DDX31: variants seen among roughly 807,000 people sequenced by gnomAD.
DDX31 encodes the protein DEAD-box helicase 31.
DDX31 carries 70 observed loss-of-function variants against 91.3 expected under a neutral mutation model. That is an observed-to-expected ratio of 0.77 (90% CI 0.63 to 0.94). DDX31 has a LOEUF of 0.94. DDX31 is among the 40% of genes least tolerant of loss of function. DDX31 has a pLI of 0.00. For missense variants in DDX31, 902 were observed against 925.0 expected (o/e 0.98, Z 0.32); for synonymous variants, 362 against 350.6 (o/e 1.03, Z -0.36).
chr9:132,664,435 G>A (rs1330532412), intron 1 of DDX31, among the ~76,000 whole-genome samples: 1 of 152,112 alleles, frequency 6.6e-6, no homozygotes, highest in African/African-American at 2.4e-5. Flanking sequence ...ATTGCCAGGT[G>A]CCATGGATCA....
At chr9:132,633,448 C>T (rs1227534842) in intron 14 of DDX31, among the ~76,000 whole-genome samples, 1 of 149,126 alleles carries the variant, frequency 6.7e-6, no homozygotes, top group African/African-American at 2.6e-5. Context: ...ATTTGTAGAT[C>T]TAGAAAAAAA....
chr9:132,644,075 T>C (rs1387292949), intron 13 of DDX31, among the ~76,000 whole-genome samples: 2 of 151,978 alleles, frequency 1.3e-5, no homozygotes, highest in African/African-American at 2.4e-5. Flanking sequence ...GGGTAATAAG[T>C]CAGGAAAATT....
At chr9:132,624,162 G>A (rs537775655) in intron 17 of DDX31, among the ~76,000 whole-genome samples, 5 of 80,472 alleles carry the variant, frequency 6.2e-5, no homozygotes, top group East Asian at 3.9e-4. Flanking sequence ...GCGAGACTCC[G>A]TCTCAAAAAA....
chr9:132,656,122 A>G (rs1476001491), intron 6 of DDX31, among the ~76,000 whole-genome samples: 1 of 152,220 alleles, frequency 6.6e-6, no homozygotes, highest in Non-Finnish European at 1.5e-5. Context: ...CAGAGCCAAA[A>G]TAACTGAAGA....
At chr9:132,628,034 T>C (rs867624767) in intron 16 of DDX31, among the ~76,000 whole-genome samples, 14 of 152,374 alleles carry the variant, frequency 9.2e-5, no homozygotes, top group Admixed American at 3.9e-4. Context: ...GTTGTCGTTG[T>C]TGCTGTTTTG....
intron 19 of DDX31, among the ~76,000 whole-genome samples, chr9:132,605,252 A>C (rs2119233493): frequency 6.6e-6 from 1 of 152,238 alleles, no homozygotes; most frequent in South Asian, 2.1e-4. Flanking sequence ...TTTACCGAGC[A>C]CCTACTGCGT....
chr9:132,640,742 A>C (rs181248811), intron 14 of DDX31, among the ~76,000 whole-genome samples: 106 of 152,312 alleles, frequency 7.0e-4, no homozygotes, highest in African/African-American at 2.5e-3. Context: ...TCCTGGGCTC[A>C]AGCGATCCTC....
At chr9:132,604,651 T>C (rs1443303012) in intron 19 of DDX31, among the ~76,000 whole-genome samples, 1 of 152,196 alleles carries the variant, frequency 6.6e-6, no homozygotes, top group African/African-American at 2.4e-5. Context: ...TAGATTTTAC[T>C]GAAACACGGT....
intron 16 of DDX31, 76 bp from the exon 17 acceptor site, chr9:132,625,821 C>A (rs185340839): frequency 1.8e-6 from 2 of 1,115,338 alleles, no homozygotes; most frequent in African/African-American, 3.1e-5. Context: ...ACAAAACTGG[C>A]CTATTCTTGA....
rs199822117 is a variant in DDX31 at position 132,669,814 on chromosome 9, G to A, written c.75+46C>T. 2,811 of 1,531,402 alleles carry A rather than the reference G, an allele frequency of 1.8e-3. 3 individuals carry two copies. The highest frequency in any genetic ancestry group is 2.3e-3 in the Non-Finnish European group (2,683 of 1,141,748). The allele number at this position is 1,531,402 out of a possible 1,614,324, so 94.9% of individuals were successfully genotyped here. On this transcript the variant is annotated intron_variant, in intron 1 of 19. Transcript: ENST00000372159. The stretch of plus-strand genomic sequence containing the variant: ...GGCTGCAGCTCGCGGCGCGCCCACA[G>A]CCGGGCCGCGGGTGGGGACGGAGCT...
chr9:132,624,193 A>G (rs67339664), intron 17 of DDX31, among the ~76,000 whole-genome samples: 6 of 143,200 alleles, frequency 4.2e-5, no homozygotes, highest in Admixed American at 7.0e-5. Context: ...AAAAAAAAAA[A>G]GAAGAAACCA....
chr9:132,626,138 GAAA>G (rs3028359), intron 16 of DDX31, among the ~76,000 whole-genome samples: 16 of 134,674 alleles, frequency 1.2e-4, no homozygotes, highest in Admixed American at 2.2e-4. Flanking sequence ...TACTGAAGAG[GAAA>G]AAAAAAAAAA....
At chr9:132,616,141 A>C (rs1163976492) in intron 18 of DDX31, among the ~76,000 whole-genome samples, 1 of 152,216 alleles carries the variant, frequency 6.6e-6, no homozygotes, top group African/African-American at 2.4e-5. Context: ...CAGTCCTAAG[A>C]AACAGGAGAG....
chr9:132,648,937 T>A (rs755369200), intron 9 of DDX31, among the ~76,000 whole-genome samples: 2 of 152,232 alleles, frequency 1.3e-5, no homozygotes, highest in African/African-American at 2.4e-5. Flanking sequence ...CATGCCAATG[T>A]GCTCCAATTG....
At position 132,650,313 on chromosome 9, in the gene DDX31, C is replaced by G; in HGVS notation, c.676-15G>C. Reference sequence around the variant, plus strand: ...CAGGTGAAAGGCTACAGAAAGACAGCAGACCACAGTCAGTGCAAAGCCCCC... The same window carrying G: ...CAGGTGAAAGGCTACAGAAAGACAGGAGACCACAGTCAGTGCAAAGCCCCC... On this transcript the variant is annotated splice_polypyrimidine_tract_variant and intron_variant, in intron 8 of 19. Transcript: ENST00000372159. The G allele has an allele frequency of 6.2e-7, 1 of 1,613,476 alleles. No homozygotes were observed. Among genetic ancestry groups the G allele is most frequent in the African/African-American group, 1.3e-5 (1 of 75,038 alleles).
At chr9:132,650,162 G>C in intron 9 of DDX31, 72 bp downstream of exon 9, 2 of 1,448,426 alleles carry the variant, frequency 1.4e-6, no homozygotes, top group Non-Finnish European at 1.9e-6. Flanking sequence ...GGTTTAGAAG[G>C]ACCCAGCCTT....
At chr9:132,640,635 T>G (rs1254097276) in intron 14 of DDX31, among the ~76,000 whole-genome samples, 1 of 152,088 alleles carries the variant, frequency 6.6e-6, no homozygotes, top group Non-Finnish European at 1.5e-5. Flanking sequence ...TAGTTGGAAC[T>G]ATGGGCACGT....
intron 6 of DDX31, among the ~76,000 whole-genome samples, chr9:132,657,718 ACT>A (rs1213612218): frequency 6.6e-6 from 1 of 151,966 alleles, no homozygotes; most frequent in Non-Finnish European, 1.5e-5. Context: ...TGGTCTCACC[ACT>A]CCCTCTCAGC....
At chr9:132,666,695 GTTTGTTTTTTGTT>G (rs1198951253) in intron 1 of DDX31, among the ~76,000 whole-genome samples, 2 of 149,204 alleles carry the variant, frequency 1.3e-5, no homozygotes, top group Non-Finnish European at 3.0e-5. Context: ...CTATTTTTGT[GTTTGTTTTTTGTT>G]TTTGTTTTTT....
Sources: gnomAD v4.1 joint callset for allele counts (sites outside exome capture counted in the v4.1 genomes callset) on GRCh38, gnomAD v4.1.1 for gene constraint, MANE v1.5 for transcripts, NCBI Gene and HGNC (gene_info 2026-07-23, HGNC 2026-07-21) for gene names.